The following PLCL2 variants were observed in gnomAD, a reference collection of about 807,000 sequenced individuals.
The protein encoded by PLCL2 is phospholipase C like 2, also known as inactive phospholipase C-like protein 2.
A neutral mutation model predicts 79.6 loss-of-function variants in PLCL2; 4 were observed. The ratio of observed to expected loss-of-function variants is 0.05; its 90% CI spans 0.02 to 0.11. The LOEUF is 0.11. PLCL2 is among the 10% of genes least tolerant of loss of function. The pLI is 1.00. For synonymous variants in PLCL2, 484 were observed against 457.7 expected, an observed-to-expected ratio of 1.06 and a Z score of -0.73; for missense variants, 895 against 1,291.0, an observed-to-expected ratio of 0.69 and a Z score of 4.70.
intron 1 of PLCL2, among the ~76,000 whole-genome samples, chr3:16,914,763 G>T (rs1431028858): frequency 1.3e-5 from 2 of 151,840 alleles, no homozygotes; most frequent in African/African-American, 2.4e-5. Context: ...TAGAGACAGG[G>T]TCTCACTCTG....
chr3:16,897,498 A>G (rs1017277629), intron 1 of PLCL2, among the ~76,000 whole-genome samples: 1 of 152,218 alleles, frequency 6.6e-6, no homozygotes, highest in African/African-American at 2.4e-5. Flanking sequence ...AATTGTCTTT[A>G]GAAAGAATTA....
intron 1 of PLCL2, among the ~76,000 whole-genome samples, chr3:16,958,684 C>T (rs2063728300): frequency 6.6e-6 from 1 of 152,144 alleles, no homozygotes; most frequent in Non-Finnish European, 1.5e-5. Context: ...ACTTTTACTC[C>T]CTTTCAATTC....
At chr3:16,982,997 G>C (rs2064015737) in intron 1 of PLCL2, among the ~76,000 whole-genome samples, 1 of 151,976 alleles carries the variant, frequency 6.6e-6, no homozygotes. Flanking sequence ...GTTTTGAATT[G>C]TTTTTCCATG....
intron 2 of PLCL2, 49 bp downstream of exon 2, chr3:17,012,209 C>G (rs2064333762): frequency 2.0e-6 from 3 of 1,513,968 alleles, no homozygotes; most frequent in Non-Finnish European, 2.7e-6. Flanking sequence ...CTACTTTGTA[C>G]ATGTCCATAG....
At chr3:16,885,570 G>A (rs1696200581) in intron 1 of PLCL2, among the ~76,000 whole-genome samples, 1 of 152,224 alleles carries the variant, frequency 6.6e-6, no homozygotes, top group African/African-American at 2.4e-5. Context: ...AGGGGGAGCT[G>A]TGCTCAGACA....
chr3:17,008,617 C>G (rs1210425752), intron 1 of PLCL2, among the ~76,000 whole-genome samples: 1 of 151,838 alleles, frequency 6.6e-6, no homozygotes, highest in Non-Finnish European at 1.5e-5. Flanking sequence ...TGGTGACAAG[C>G]CTTTGAGAAG....
At chr3:17,021,515 G>T (rs553296359) in intron 3 of PLCL2, among the ~76,000 whole-genome samples, 1 of 152,014 alleles carries the variant, frequency 6.6e-6, no homozygotes, top group African/African-American at 2.4e-5. Flanking sequence ...GTAATTGTAA[G>T]ATTTTCCTTC....
intron 4 of PLCL2, among the ~76,000 whole-genome samples, chr3:17,056,047 C>T (rs1288008575): frequency 6.6e-6 from 1 of 152,150 alleles, no homozygotes; most frequent in Non-Finnish European, 1.5e-5. Context: ...CATCTTCCTC[C>T]CTCCTTCCTT....
At chr3:16,991,665 G>C (rs756245576) in intron 1 of PLCL2, among the ~76,000 whole-genome samples, 1 of 152,086 alleles carries the variant, frequency 6.6e-6, no homozygotes, top group Non-Finnish European at 1.5e-5. Context: ...GAGAGGGTTG[G>C]TTTTCCCGTA....
At chr3:16,900,316 G>T (rs938289768) in intron 1 of PLCL2, among the ~76,000 whole-genome samples, 15 of 152,062 alleles carry the variant, frequency 9.9e-5, no homozygotes, top group Non-Finnish European at 1.8e-4. Context: ...GACTTAAAAA[G>T]ACAATAAAAA....
At position 16,895,061 on chromosome 3, in the gene PLCL2, C is replaced by T. The variant is rs139288052; in HGVS notation, c.327+9695C>T. ...CAACATATATAGATATGTTGAAACACGTATCTATATAGATATAGATATATG... is the reference window on the plus strand; with the variant it reads ...CAACATATATAGATATGTTGAAACATGTATCTATATAGATATAGATATATG... On this transcript the variant is annotated intron_variant, in intron 1 of 5. Transcript: ENST00000615277. 4.0e-3 allele frequency among the ~76,000 whole-genome samples: 602 copies of T among 149,100 alleles called. 5 individuals are homozygous for T. Among genetic ancestry groups the T allele is most frequent in the Non-Finnish European group, 6.7e-3 (452 of 67,006 alleles).
chr3:17,063,722 T>A (rs564011346), intron 4 of PLCL2, among the ~76,000 whole-genome samples: 1 of 152,304 alleles, frequency 6.6e-6, no homozygotes, highest in South Asian at 2.1e-4. Context: ...TGTAACAGTC[T>A]CCACTTTTGC....
intron 1 of PLCL2, among the ~76,000 whole-genome samples, chr3:16,942,933 T>C (rs2063564909): frequency 6.6e-6 from 1 of 152,232 alleles, no homozygotes; most frequent in African/African-American, 2.4e-5. Context: ...TCTTTATCCC[T>C]GTAGGCATAG....
chr3:16,967,046 G>C (rs780126043), intron 1 of PLCL2, among the ~76,000 whole-genome samples: 4 of 152,184 alleles, frequency 2.6e-5, no homozygotes, highest in Non-Finnish European at 5.9e-5. Flanking sequence ...GCATTAGTTT[G>C]CTTAGGATAA....
chr3:16,899,916 G>A, intron 1 of PLCL2, among the ~76,000 whole-genome samples: 1 of 139,920 alleles, frequency 7.1e-6, no homozygotes, highest in East Asian at 2.3e-4. Flanking sequence ...TATTTGAAAT[G>A]TTCTTTTCAA....
intron 4 of PLCL2, among the ~76,000 whole-genome samples, chr3:17,060,829 TG>T (rs2064945130): frequency 6.6e-6 from 1 of 152,148 alleles, no homozygotes; most frequent in African/African-American, 2.4e-5. Context: ...ACACCTAATT[TG>T]GGGAATTGGA....
intron 1 of PLCL2, among the ~76,000 whole-genome samples, chr3:16,908,559 G>C (rs1696801712): frequency 6.6e-6 from 1 of 152,174 alleles, no homozygotes; most frequent in Admixed American, 6.5e-5. Context: ...CTAACACTAA[G>C]GGCAGTTGCA....
At chr3:17,038,491 G>A (rs547151714) in intron 3 of PLCL2, among the ~76,000 whole-genome samples, 5 of 152,252 alleles carry the variant, frequency 3.3e-5, no homozygotes, top group African/African-American at 4.8e-5. Flanking sequence ...TATACACAGA[G>A]AAAACAAGAT....
Position 17,011,254 on chromosome 3 carries a change from G to A in PLCL2, c.1908G>A (p.Ser636=), listed in dbSNP as rs143170691. ...TTCAGTTCAAAGAATTTCAGGTGTC[G>A]TTTCAGGTTCAGAAGTACTGGGAAG... ...KSVQFKEFQV[S]FQVQKYWEVC... Residue 636 remains serine (S), a synonymous_variant, in exon 2 of 6, where the codon TCG becomes TCA. Transcript: ENST00000615277. This position sits in a 1 kb window ranked among gnomAD's most constrained non-coding sequence, Gnocchi z 7.9. The A allele has an allele frequency of 4.3e-5, 70 of 1,614,186 alleles. No homozygotes were observed. Among genetic ancestry groups the A allele is most frequent in the Non-Finnish European group, 5.5e-5 (65 of 1,180,022 alleles).
Sources: allele counts gnomAD v4.1 joint callset (sites outside exome capture counted in the v4.1 genomes callset), GRCh38; gene constraint gnomAD v4.1.1; non-coding constraint Gnocchi (gnomAD v3.1); transcripts MANE v1.5; gene names NCBI Gene and HGNC (gene_info 2026-07-23, HGNC 2026-07-21).